The following TIA1 variants were observed in gnomAD, a reference collection of about 807,000 sequenced individuals.
TIA1 encodes the protein cytotoxic granule associated RNA binding protein TIA1.
In TIA1, 23 loss-of-function variants were observed where a neutral mutation model predicts 65.9. The ratio of observed to expected loss-of-function variants is 0.35; its 90% CI spans 0.25 to 0.49. The LOEUF is 0.49. TIA1 is among the 20% of genes least tolerant of loss of function. The pLI is 0.98. For missense variants in TIA1, 371 were observed against 477.9 expected (o/e 0.78, Z 2.09); for synonymous variants, 147 against 149.4 (o/e 0.98, Z 0.12).
chr2:70,225,197 A>C, intron 6 of TIA1: 1 of 1,065,460 alleles, frequency 9.4e-7, no homozygotes, highest in Non-Finnish European at 1.1e-6. Context: ...TACTAGACAC[A>C]CACAAGTTTT....
At chr2:70,236,315 C>T (rs1462988358) in intron 1 of TIA1, 140 bp from the exon 2 acceptor site, 8 of 538,104 alleles carry the variant, frequency 1.5e-5, no homozygotes, top group Non-Finnish European at 2.3e-5. Context: ...TCCCCTGCCT[C>T]AGCCTCCCCG....
rs548797835 is a variant in TIA1 at position 70,211,796 on chromosome 2, A to T, written c.*923T>A. 1 of 152,658 alleles carries T rather than the reference A, an allele frequency of 6.6e-6. No homozygotes were observed. The highest frequency in any genetic ancestry group is 1.5e-5 in the Non-Finnish European group (1 of 68,042). The allele number at this position is 152,658 out of a possible 1,614,324, so 9.5% of individuals were successfully genotyped here. On this transcript the variant is annotated 3_prime_UTR_variant, in exon 13 of 13. Coordinates refer to ENST00000433529, the MANE Select transcript of TIA1 (RefSeq NM_022173.4). ...AAGGAAATGACATACAAAGTTTGCT[A>T]ACTGTGCAAAATATTAAATTGCTAA... is the stretch of plus-strand genomic sequence containing the variant.
intron 1 of TIA1, among the ~76,000 whole-genome samples, chr2:70,236,861 CA>C (rs1316760126): frequency 6.6e-6 from 1 of 152,170 alleles, no homozygotes; most frequent in African/African-American, 2.4e-5. Flanking sequence ...CTCCTGGGTT[CA>C]AGCGATCTGC....
At chr2:70,229,923 G>GC (rs1685406544) in intron 3 of TIA1, among the ~76,000 whole-genome samples, 1 of 150,672 alleles carries the variant, frequency 6.6e-6, no homozygotes, top group African/African-American at 2.4e-5. Flanking sequence ...GGGTGACAAA[G>GC]CAAGATTCCA....
Position 70,210,334 on chromosome 2 carries a change from T to C in TIA1, c.*2385A>G, listed in dbSNP as rs1264753469. 1 of 152,232 alleles carries C rather than the reference T, an allele frequency of 6.6e-6. No homozygotes were observed. The highest frequency in any genetic ancestry group is 1.9e-4 in the East Asian group (1 of 5,200). The allele number at this position is 152,232 out of a possible 1,614,324, so 9.4% of individuals were successfully genotyped here. On this transcript the variant is annotated 3_prime_UTR_variant, in exon 13 of 13. Transcript: ENST00000433529. ...AAAGTAAAATCTAAATTTTGCATAT[T>C]GCAGAGAATGAAACCATTTTAAAAA...
intron 1 of TIA1, among the ~76,000 whole-genome samples, chr2:70,237,801 G>A (rs747190666): frequency 6.6e-6 from 1 of 151,146 alleles, no homozygotes; most frequent in African/African-American, 2.4e-5. Context: ...AGGAGGCAGA[G>A]GTTGCAACGA....
chr2:70,227,931 A>G (rs747880332), intron 5 of TIA1, 109 bp from the exon 6 acceptor site: 10 of 694,704 alleles, frequency 1.4e-5, no homozygotes, highest in Admixed American at 2.8e-5. Context: ...GGCTTATGAT[A>G]AAGTATAAAT....
chr2:70,234,525 C>A (rs916728762), intron 2 of TIA1, among the ~76,000 whole-genome samples: 5 of 152,170 alleles, frequency 3.3e-5, no homozygotes, highest in African/African-American at 1.2e-4. Flanking sequence ...AAAGGTCTGA[C>A]AACATTTTAA....
intron 1 of TIA1, among the ~76,000 whole-genome samples, chr2:70,238,698 T>TA (rs1429582506): frequency 6.6e-6 from 1 of 151,844 alleles, no homozygotes; most frequent in Non-Finnish European, 1.5e-5. Context: ...ATGAGTTGGT[T>TA]ATCAATATAA....
intron 6 of TIA1, among the ~76,000 whole-genome samples, chr2:70,226,613 AAC>A (rs1683923955): frequency 6.6e-6 from 1 of 152,144 alleles, no homozygotes; most frequent in Non-Finnish European, 1.5e-5. Context: ...CCAAAATGAA[AAC>A]ACAAAATTGT....
chr2:70,225,464 C>T (rs1683398018), intron 6 of TIA1: 2 of 1,273,438 alleles, frequency 1.6e-6, no homozygotes, highest in African/African-American at 1.5e-5. Context: ...AAACTCCATA[C>T]CTCAAAAAAT....
intron 1 of TIA1, among the ~76,000 whole-genome samples, chr2:70,243,124 T>G (rs187934091): frequency 6.6e-6 from 1 of 152,346 alleles, no homozygotes. Flanking sequence ...TTATGTCTTT[T>G]GCTAATGAAG....
intron 8 of TIA1, 153 bp from the exon 9 acceptor site, chr2:70,216,652 C>G: frequency 1.5e-6 from 2 of 1,349,666 alleles, no homozygotes; most frequent in South Asian, 2.9e-5. Context: ...ATTAAACCTC[C>G]CCCACGAATG....
chr2:70,230,745 C>T lies in TIA1; in HGVS notation c.222+11G>A, dbSNP rs200635374. The T allele has an allele frequency of 1.6e-5, 25 of 1,572,790 alleles. No homozygotes were observed. The Admixed American group carries it at 2.0e-4, about 12-fold the overall frequency. ...CAGTGCAAGTCACCTTCTTTAATTA[C>T]GACAGCTTACCTTACCCATTATCTT... On this transcript the variant is annotated intron_variant, in intron 3 of 12. Transcript: ENST00000433529.
intron 7 of TIA1, among the ~76,000 whole-genome samples, chr2:70,220,668 T>C (rs1028711942): frequency 6.6e-6 from 1 of 152,044 alleles, no homozygotes; most frequent in African/African-American, 2.4e-5. Context: ...GCCATCCAGT[T>C]TATGATACTT....
chr2:70,244,840 A>C lies in TIA1; in HGVS notation c.26+3565T>G, dbSNP rs562037093. The stretch of plus-strand genomic sequence containing the variant: ...ACAGAGCGAGACTCTGTCTCAAAAA[A>C]AAAAAAAAAAAAAAAAAGATAGGTC... On this transcript the variant is annotated intron_variant, in intron 1 of 12. Coordinates refer to ENST00000433529, the MANE Select transcript of TIA1 (RefSeq NM_022173.4). Among the ~76,000 whole-genome samples the C allele has an allele frequency of 3.0e-3, 447 of 147,696 alleles. 1 individual carries two copies. The highest frequency in any genetic ancestry group is 6.8e-3 in the Middle Eastern group (2 of 292).
chr2:70,228,587 AC>A (rs1684769347), intron 5 of TIA1: 1 of 1,107,392 alleles, frequency 9.0e-7, no homozygotes, highest in Admixed American at 5.0e-5. Flanking sequence ...AAAAAAAGAA[AC>A]ACTTTAAAAA....
intron 1 of TIA1, among the ~76,000 whole-genome samples, chr2:70,238,680 C>T (rs1043781090): frequency 1.3e-5 from 2 of 151,942 alleles, no homozygotes; most frequent in African/African-American, 4.8e-5. Flanking sequence ...GTAGAAACAT[C>T]ACAGATTATG....
chr2:70,242,141 ATTCT>A (rs1414655233), intron 1 of TIA1, among the ~76,000 whole-genome samples: 2 of 152,116 alleles, frequency 1.3e-5, no homozygotes, highest in Non-Finnish European at 2.9e-5. Context: ...TTATCATGCC[ATTCT>A]TCCGCAAAAC....
Sources: allele counts gnomAD v4.1 joint callset (sites outside exome capture counted in the v4.1 genomes callset), GRCh38; gene constraint gnomAD v4.1.1; transcripts MANE v1.5; gene names NCBI Gene and HGNC (gene_info 2026-07-23, HGNC 2026-07-21).